TNFRSF10A: variants seen among roughly 807,000 people sequenced by gnomAD.
TNFRSF10A encodes TNF receptor superfamily member 10a.
TNFRSF10A carries 44 observed loss-of-function variants against 42.8 expected under a neutral mutation model. The observed-to-expected ratio is 1.03, with a 90% CI of 0.81 to 1.32. The LOEUF is 1.32. TNFRSF10A is among the 40% of genes most tolerant of loss of function. The pLI, the probability that TNFRSF10A is intolerant of heterozygous loss-of-function variation, is 0.00. For synonymous variants in TNFRSF10A, 259 were observed against 234.2 expected (o/e 1.11, Z -0.97); for missense variants, 680 against 602.0 (o/e 1.13, Z -1.36).
Position 23,205,118 on chromosome 8 carries a change from A to T in TNFRSF10A, c.404-2357T>A, listed in dbSNP as rs528202010. 3.9e-5 allele frequency among the ~76,000 whole-genome samples: 6 copies of T among 152,278 alleles called. No individual in the cohort carries two copies. The South Asian group carries it at 1.0e-3, about 26-fold the overall frequency. ...GGAGAACAGAAAAACAACAGAGTAA[A>T]TTAATGAACTCAAAATCTAGTTCTT... On this transcript the variant is annotated intron_variant, in intron 2 of 9. Transcript: ENST00000221132.
chr8:23,212,285 C>G, intron 1 of TNFRSF10A, 73 bp from the exon 2 acceptor site: 3 of 1,332,086 alleles, frequency 2.3e-6, no homozygotes, highest in Non-Finnish European at 3.2e-6. Context: ...TCTCACATTC[C>G]ATTCCCCCAA....
intron 9 of TNFRSF10A, among the ~76,000 whole-genome samples, chr8:23,195,842 A>G (rs1249128685): frequency 6.6e-6 from 1 of 152,146 alleles, no homozygotes; most frequent in Non-Finnish European, 1.5e-5. Context: ...GAAGCTTCCC[A>G]TGATGCCCCT....
At position 23,191,926 on chromosome 8, in the gene TNFRSF10A, T is replaced by A. The variant is rs762008162; in HGVS notation, c.1175A>T (p.Asn392Ile). Residue 392 changes from asparagine (N) to isoleucine (I), a missense_variant, in exon 10 of 10, where the codon AAT becomes ATT. Physicochemically the swap from Asn to Ile is moderately radical, Grantham distance 149. Coordinates refer to ENST00000221132, the MANE Select transcript of TNFRSF10A (RefSeq NM_003844.4). ...ACCAGCTCTGACCACATCGATCTCA[T>A]TTTTCGTGAGGTCCAGCTGCCTCAT... ...QLMRQLDLTK[N>I]EIDVVRAGTA... 1.2e-6 allele frequency: 2 copies of A among 1,614,122 alleles called. No individual in the cohort carries two copies. The highest frequency in any genetic ancestry group is 1.7e-6 in the Non-Finnish European group (2 of 1,180,004).
rs760773242 is a variant in TNFRSF10A at position 23,191,932 on chromosome 8, G to A, written c.1169C>T (p.Thr390Met). 23 of 1,614,002 alleles carry A rather than the reference G, an allele frequency of 1.4e-5. No homozygotes were observed. Among genetic ancestry groups the A allele is most frequent in the South Asian group, 9.9e-5 (9 of 91,082 alleles). ...TCTGACCACATCGATCTCATTTTTC[G>A]TGAGGTCCAGCTGCCTCATGAGCTG... Reference protein sequence around the residue: ...WDQLMRQLDLTKNEIDVVRAG... With the variant: ...WDQLMRQLDLMKNEIDVVRAG... Residue 390 changes from threonine (T) to methionine (M), a missense_variant, in exon 10 of 10, where the codon ACG becomes ATG. Transcript: ENST00000221132.
chr8:23,203,424 G>A (rs1379399125), intron 2 of TNFRSF10A, among the ~76,000 whole-genome samples: 1 of 152,222 alleles, frequency 6.6e-6, no homozygotes, highest in Non-Finnish European at 1.5e-5. Flanking sequence ...GTCAAAGAAT[G>A]ATCCACAGAA....
Position 23,225,070 on chromosome 8 carries a change from G to C in TNFRSF10A, c.-9C>G, listed in dbSNP as rs753222044. The C allele has an allele frequency of 6.6e-7, 1 of 1,507,606 alleles. No homozygotes were observed. Among genetic ancestry groups the C allele is most frequent in the East Asian group, 2.3e-5 (1 of 42,906 alleles). 93.4% of individuals were successfully genotyped at this position (1,507,606 alleles called of 1,614,324 possible). A position where few individuals can be genotyped will look rare whatever the true frequency, so the allele number is the denominator to read the frequency against. ...GCTGGTGGTGGCGCCATCCTGCCAGGTCAATCCAAGAAGCAGCGTGCTTGG... is the reference window on the plus strand; with the variant it reads ...GCTGGTGGTGGCGCCATCCTGCCAGCTCAATCCAAGAAGCAGCGTGCTTGG... On this transcript the variant is annotated 5_prime_UTR_variant, in exon 1 of 10. Transcript: ENST00000221132.
At chr8:23,200,819 T>A in intron 4 of TNFRSF10A, 59 bp from the exon 5 acceptor site, 1 of 1,503,236 alleles carries the variant, frequency 6.7e-7, no homozygotes, top group South Asian at 1.1e-5. Context: ...CCAGGTGGGA[T>A]GAAAGAGGAG....
At chr8:23,203,223 C>T (rs923081816) in intron 2 of TNFRSF10A, among the ~76,000 whole-genome samples, 1 of 152,116 alleles carries the variant, frequency 6.6e-6, no homozygotes, top group Non-Finnish European at 1.5e-5. Flanking sequence ...GGCCTAGAGA[C>T]CAGGGCAATG....
At position 23,202,775 on chromosome 8, in the gene TNFRSF10A, G is replaced by A. The variant is rs1375908347; in HGVS notation, c.404-14C>T. ...ATCTATGAGATCCTGGGAAGGGAGA[G>A]AAAAGCCAATGAATGAATTGCCACA... On this transcript the variant is annotated splice_polypyrimidine_tract_variant and intron_variant, in intron 2 of 9. Transcript: ENST00000221132. 1 of 1,584,676 alleles carries A rather than the reference G, an allele frequency of 6.3e-7. No homozygotes were observed. The highest frequency in any genetic ancestry group is 1.3e-5 in the African/African-American group (1 of 74,490).
intron 1 of TNFRSF10A, among the ~76,000 whole-genome samples, chr8:23,217,205 T>C (rs4133054): frequency 0.29 from 44,280 of 152,050 alleles, 7,013 homozygotes; most frequent in East Asian, 0.68. Flanking sequence ...TATTATGCCT[T>C]CTGATGAATT....
chr8:23,222,845 C>T (rs1170798453), intron 1 of TNFRSF10A, among the ~76,000 whole-genome samples: 6 of 152,004 alleles, frequency 3.9e-5, no homozygotes, highest in Non-Finnish European at 8.8e-5. Context: ...TGAACCTGGC[C>T]CCTCCCCGTC....
In TNFRSF10A at chr8:23,204,182, A is replaced by G. The variant is rs147577160; in HGVS notation, c.404-1421T>C. ...GGGCAACTAAGGTTACTGCTGAAAA[A>G]TAATAAAGCTTCTTGCTTATGCTCT... On this transcript the variant is annotated intron_variant, in intron 2 of 9. Transcript: ENST00000221132. 2.0e-5 allele frequency among the ~76,000 whole-genome samples: 3 copies of G among 152,354 alleles called. No homozygotes were observed. The East Asian group carries it at 5.8e-4, about 29-fold the overall frequency.
chr8:23,196,598 A>G (rs765951671), intron 9 of TNFRSF10A, among the ~76,000 whole-genome samples: 12 of 152,300 alleles, frequency 7.9e-5, no homozygotes, highest in Admixed American at 6.5e-4. Context: ...ACAGCACTCA[A>G]TGAAAGTATT....
In TNFRSF10A at chr8:23,225,034, G is replaced by C. The variant is rs1348940584; in HGVS notation, c.28C>G (p.Leu10Val). MAPPPARVHLGAFLAVTPNP... is the reference protein window; with the variant it reads MAPPPARVHVGAFLAVTPNP... ...GGAGTCACTGCCAGGAACGCACCTA[G>C]ATGTACTCTAGCTGGTGGTGGCGCC... The change falls in exon 1 of 10, where the codon CTA becomes GTA. Residue 10 changes from leucine (L) to valine (V), a missense_variant. Leu to Val is a conservative substitution (Grantham distance 32, BLOSUM62 1). Coordinates refer to ENST00000221132, the MANE Select transcript of TNFRSF10A (RefSeq NM_003844.4). The C allele has an allele frequency of 6.4e-7, 1 of 1,560,916 alleles. No homozygotes were observed. The highest frequency in any genetic ancestry group is 8.7e-7 in the Non-Finnish European group (1 of 1,152,120).
chr8:23,212,970 A>T (rs1055027027), intron 1 of TNFRSF10A, among the ~76,000 whole-genome samples: 1 of 152,216 alleles, frequency 6.6e-6, no homozygotes, highest in South Asian at 2.1e-4. Context: ...GAATTTGAGA[A>T]TTCATGTTAG....
intron 2 of TNFRSF10A, among the ~76,000 whole-genome samples, chr8:23,205,855 T>C (rs1273130616): frequency 3.3e-5 from 5 of 152,034 alleles, no homozygotes; most frequent in African/African-American, 1.2e-4. Context: ...TAGCTGGGAC[T>C]ACAGGTGCCT....
intron 1 of TNFRSF10A, among the ~76,000 whole-genome samples, chr8:23,214,360 T>C (rs1021852528): frequency 6.6e-6 from 1 of 151,630 alleles, no homozygotes; most frequent in East Asian, 1.9e-4. Context: ...TGGTGGCGGG[T>C]GCCTGTAGTC....
At position 23,212,099 on chromosome 8, in the gene TNFRSF10A, T is replaced by A. The variant is rs765658360; in HGVS notation, c.403+17A>T. On this transcript the variant is annotated intron_variant, in intron 2 of 9. Coordinates refer to ENST00000221132, the MANE Select transcript of TNFRSF10A (RefSeq NM_003844.4). ...AAAGAGAGGTGTAAAGGATTAGAGATCAGTCTTAGAATGTACCTGGTGGAC... is the reference window on the plus strand; with the variant it reads ...AAAGAGAGGTGTAAAGGATTAGAGAACAGTCTTAGAATGTACCTGGTGGAC... 1.9e-6 allele frequency: 3 copies of A among 1,604,224 alleles called. No homozygotes were observed. The highest frequency in any genetic ancestry group is 2.6e-6 in the Non-Finnish European group (3 of 1,171,556).
intron 8 of TNFRSF10A, among the ~76,000 whole-genome samples, chr8:23,198,729 G>C (rs569250597): frequency 6.6e-6 from 1 of 152,072 alleles, no homozygotes; most frequent in Non-Finnish European, 1.5e-5. Flanking sequence ...GTGTGGGTAC[G>C]TGCATGTGTG....
Sources: allele counts gnomAD v4.1 joint callset (sites outside exome capture counted in the v4.1 genomes callset), GRCh38; gene constraint gnomAD v4.1.1; transcripts MANE v1.5; gene names NCBI Gene and HGNC (gene_info 2026-07-23, HGNC 2026-07-21).